WWOX: variants seen among roughly 807,000 people sequenced by gnomAD.
WWOX encodes the protein WW domain-containing oxidoreductase.
A neutral mutation model predicts 46.2 loss-of-function variants in WWOX; 69 were observed. The ratio of observed to expected loss-of-function variants is 1.49; its 90% CI spans 1.23 to 1.82. The LOEUF (loss-of-function observed/expected upper bound fraction) is 1.82, where lower values mean the gene tolerates loss of function less well. WWOX is among the 40% of genes most tolerant of loss of function. The pLI is 0.00. For missense variants in WWOX, 919 were observed against 542.6 expected, an observed-to-expected ratio of 1.69 and a Z score of -6.89; for synonymous variants, 359 against 202.6, an observed-to-expected ratio of 1.77 and a Z score of -6.56.
At chr16:79,110,420 G>T (rs1275640002) in intron 8 of WWOX, among the ~76,000 whole-genome samples, 2 of 152,146 alleles carry the variant, frequency 1.3e-5, no homozygotes, top group Non-Finnish European at 2.9e-5. Context: ...AGCCCAAGGA[G>T]CAAGTTGGAG....
intron 6 of WWOX, among the ~76,000 whole-genome samples, chr16:78,387,279 A>T (rs576625596): frequency 3.3e-5 from 5 of 152,302 alleles, no homozygotes; most frequent in East Asian, 1.9e-4. Context: ...AGAATGGAGT[A>T]AGAGTATATT....
intron 8 of WWOX, chr16:78,892,403 C>G (rs1475579489): frequency 1.3e-5 from 2 of 152,214 alleles, no homozygotes; most frequent in African/African-American, 4.8e-5. Flanking sequence ...AATTAATACT[C>G]TAATGAGGGA....
intron 8 of WWOX, among the ~76,000 whole-genome samples, chr16:79,139,881 C>A (rs1413202013): frequency 6.6e-6 from 1 of 152,182 alleles, no homozygotes; most frequent in Non-Finnish European, 1.5e-5. Context: ...GGCGCATACC[C>A]AAGACCCTCC....
intron 8 of WWOX, among the ~76,000 whole-genome samples, chr16:79,148,522 A>G (rs149360444): frequency 1.1e-3 from 160 of 152,132 alleles, no homozygotes; most frequent in Middle Eastern, 6.8e-3. Context: ...ATTCTTTTTT[A>G]TTAAGATTAT....
At chr16:78,520,452 C>G (rs997428926) in intron 8 of WWOX, among the ~76,000 whole-genome samples, 3 of 152,186 alleles carry the variant, frequency 2.0e-5, no homozygotes, top group Non-Finnish European at 2.9e-5. Context: ...CAGTTTTACA[C>G]ACATATTTTG....
At chr16:79,094,832 C>T (rs995373539) in intron 8 of WWOX, among the ~76,000 whole-genome samples, 1 of 151,940 alleles carries the variant, frequency 6.6e-6, no homozygotes, top group African/African-American at 2.4e-5. Flanking sequence ...TAAAAGGAGC[C>T]CAATATTTAT....
intron 8 of WWOX, chr16:79,205,964 G>T (rs1352814539): frequency 6.6e-6 from 1 of 152,160 alleles, no homozygotes; most frequent in African/African-American, 2.4e-5. Context: ...CAAAGAGTAG[G>T]TTTCTTAGTT....
At chr16:78,874,083 C>G (rs578060144) in intron 8 of WWOX, among the ~76,000 whole-genome samples, 7 of 148,400 alleles carry the variant, frequency 4.7e-5, no homozygotes, top group African/African-American at 1.5e-4. Context: ...AACCCTGTCT[C>G]TACTAAAATT....
intron 5 of WWOX, among the ~76,000 whole-genome samples, chr16:78,244,897 A>G (rs1296458219): frequency 6.6e-6 from 1 of 152,214 alleles, no homozygotes; most frequent in Non-Finnish European, 1.5e-5. Context: ...TAAAAAAGGG[A>G]AAATACTCCA....
intron 8 of WWOX, among the ~76,000 whole-genome samples, chr16:79,182,744 AGTTTT>A (rs1245535939): frequency 2.0e-5 from 3 of 152,142 alleles, no homozygotes; most frequent in Non-Finnish European, 4.4e-5. Context: ...TTTACTGCAT[AGTTTT>A]GTTATGAGGA....
chr16:78,805,518 C>G (rs954783146), intron 8 of WWOX, among the ~76,000 whole-genome samples: 1 of 151,972 alleles, frequency 6.6e-6, no homozygotes, highest in South Asian at 2.1e-4. Flanking sequence ...TTCCTGACAT[C>G]GTGATCCGCC....
intron 6 of WWOX, among the ~76,000 whole-genome samples, chr16:78,415,512 C>A (rs952832112): frequency 6.6e-6 from 1 of 152,266 alleles, no homozygotes; most frequent in Non-Finnish European, 1.5e-5. Flanking sequence ...TTTTACCCAG[C>A]CCCTATTCAA....
At chr16:78,215,337 G>C (rs572917312) in intron 5 of WWOX, among the ~76,000 whole-genome samples, 1 of 152,148 alleles carries the variant, frequency 6.6e-6, no homozygotes, top group African/African-American at 2.4e-5. Flanking sequence ...TAATCCCTAC[G>C]TGCCAGGTAG....
At chr16:78,597,471 C>T (rs987376769) in intron 8 of WWOX, among the ~76,000 whole-genome samples, 5 of 152,146 alleles carry the variant, frequency 3.3e-5, no homozygotes, top group Non-Finnish European at 5.9e-5. Context: ...TGTCTTTGGT[C>T]CACCATTAAG....
intron 8 of WWOX, among the ~76,000 whole-genome samples, chr16:78,573,232 GC>G: frequency 6.6e-6 from 1 of 152,316 alleles, no homozygotes; most frequent in African/African-American, 2.4e-5. Context: ...CTTGCAGTGA[GC>G]CGAGATCGTG....
At chr16:78,644,327 C>T (rs551174368) in intron 8 of WWOX, among the ~76,000 whole-genome samples, 1 of 152,266 alleles carries the variant, frequency 6.6e-6, no homozygotes, top group South Asian at 2.1e-4. Flanking sequence ...GATGGACAGA[C>T]ACCTACCCCA....
intron 5 of WWOX, among the ~76,000 whole-genome samples, chr16:78,240,366 G>C (rs944222770): frequency 3.9e-5 from 6 of 152,118 alleles, no homozygotes; most frequent in Non-Finnish European, 8.8e-5. Flanking sequence ...AGAGGACACA[G>C]AGGAGAAGGC....
intron 8 of WWOX, among the ~76,000 whole-genome samples, chr16:79,011,824 T>C (rs116178448): frequency 0.011 from 1,690 of 151,986 alleles, 34 homozygotes; most frequent in African/African-American, 0.039. Context: ...AACAAAAAAC[T>C]CTTTTGTGTT....
chr16:78,774,721 AACAC>A (rs2050148267), intron 8 of WWOX, among the ~76,000 whole-genome samples: 1 of 151,906 alleles, frequency 6.6e-6, no homozygotes, highest in Non-Finnish European at 1.5e-5. Flanking sequence ...GTCCCCACCC[AACAC>A]ACACACATAC....
Sources: allele counts gnomAD v4.1 joint callset (sites outside exome capture counted in the v4.1 genomes callset), GRCh38; gene constraint gnomAD v4.1.1; transcripts MANE v1.5; gene names NCBI Gene and HGNC (gene_info 2026-07-23, HGNC 2026-07-21).